IFT74: variants seen among roughly 807,000 people sequenced by gnomAD.
IFT74 encodes the protein intraflagellar transport 74.
A neutral mutation model predicts 96.7 loss-of-function variants in IFT74; 92 were observed. The observed-to-expected ratio is 0.95, with a 90% confidence interval of 0.80 to 1.13. IFT74 has a LOEUF of 1.13. Among genes scored for constraint, IFT74 ranks in the 50% most tolerant of loss-of-function variants. The pLI, the probability that IFT74 is intolerant of heterozygous loss-of-function variation, is 0.00. For synonymous variants in IFT74, 223 were observed against 213.2 expected (o/e 1.05, Z -0.40); for missense variants, 811 against 698.2 (o/e 1.16, Z -1.82).
intron 6 of IFT74, among the ~76,000 whole-genome samples, chr9:26,985,369 A>C (rs1046720114): frequency 6.6e-6 from 1 of 152,174 alleles, no homozygotes; most frequent in Non-Finnish European, 1.5e-5. Context: ...AGGTGATTAA[A>C]TAATCTGCAC....
At chr9:27,013,499 T>G (rs953593466) in intron 10 of IFT74, among the ~76,000 whole-genome samples, 2 of 152,220 alleles carry the variant, frequency 1.3e-5, no homozygotes, top group African/African-American at 4.8e-5. Context: ...TCAAAAAGGT[T>G]GTTCCAACTT....
intron 2 of IFT74, among the ~76,000 whole-genome samples, chr9:26,962,978 T>G (rs1267927608): frequency 1.3e-5 from 2 of 151,886 alleles, no homozygotes. Flanking sequence ...TTTGTTATAC[T>G]TTAAGTTTTA....
At chr9:27,006,323 T>C (rs755974454) in intron 8 of IFT74, among the ~76,000 whole-genome samples, 5 of 152,126 alleles carry the variant, frequency 3.3e-5, no homozygotes, top group Non-Finnish European at 7.4e-5. Context: ...TGAGGTCAGG[T>C]GCAGAGTCTG....
At chr9:26,997,703 G>A (rs1339905553) in intron 8 of IFT74, 27 of 1,559,250 alleles carry the variant, frequency 1.7e-5, no homozygotes, top group Non-Finnish European at 2.2e-5. Flanking sequence ...TCACATTTTG[G>A]TTTTGCTTAA....
chr9:27,059,417 A>G (rs1366996611), intron 18 of IFT74, among the ~76,000 whole-genome samples: 6 of 152,186 alleles, frequency 3.9e-5, no homozygotes, highest in African/African-American at 7.2e-5. Flanking sequence ...TATAATGTAA[A>G]AGGAATTTGA....
At chr9:27,034,152 T>A (rs78285065) in intron 13 of IFT74, among the ~76,000 whole-genome samples, 1 of 152,210 alleles carries the variant, frequency 6.6e-6, no homozygotes, top group Non-Finnish European at 1.5e-5. Context: ...AATGATTACT[T>A]TCCAGATTCA....
intron 2 of IFT74, among the ~76,000 whole-genome samples, chr9:26,974,398 C>G (rs1587265772): frequency 6.6e-6 from 1 of 152,198 alleles, no homozygotes; most frequent in Admixed American, 6.5e-5. Flanking sequence ...CCAAGGGGAT[C>G]TTCCAAATTT....
In IFT74 at chr9:27,033,962, C is replaced by T. The variant is rs144274557; in HGVS notation, c.1054+4858C>T. On this transcript the variant is annotated intron_variant, in intron 13 of 19. Transcript: ENST00000380062. ...ATAAGGTACACATCACTGACAGTTC[C>T]GAAGTTTTGACTGTTAGGCCTGAAT... 7.2e-5 allele frequency among the ~76,000 whole-genome samples: 11 copies of T among 152,080 alleles called. No individual in the cohort carries two copies. In the East Asian group the frequency reaches 1.9e-3, roughly 27 times the overall value.
At chr9:27,029,352 T>TA (rs397941774) in intron 13 of IFT74, among the ~76,000 whole-genome samples, 1 of 152,192 alleles carries the variant, frequency 6.6e-6, no homozygotes, top group Non-Finnish European at 1.5e-5. Flanking sequence ...TTTTTTTTTT[T>TA]ACAAAAACAG....
chr9:27,008,153 CAGT>C (rs956502300), intron 8 of IFT74, among the ~76,000 whole-genome samples: 6 of 152,044 alleles, frequency 3.9e-5, no homozygotes. Context: ...TTAACTAAAG[CAGT>C]AAGTAAAAGA....
At chr9:26,984,144 T>C in intron 4 of IFT74, 113 bp from the exon 5 acceptor site, 1 of 837,970 alleles carries the variant, frequency 1.2e-6, no homozygotes, top group Non-Finnish European at 1.7e-6. Flanking sequence ...TTTTAGTGAA[T>C]TTCACAAAAC....
intron 10 of IFT74, among the ~76,000 whole-genome samples, chr9:27,015,616 G>A (rs1829301144): frequency 6.6e-6 from 1 of 152,080 alleles, no homozygotes; most frequent in South Asian, 2.1e-4. Context: ...CAGCCTGGGT[G>A]AAAGAGCGAA....
chr9:26,997,735 C>A, intron 8 of IFT74: 2 of 1,589,986 alleles, frequency 1.3e-6, no homozygotes, highest in South Asian at 2.3e-5. Flanking sequence ...TACCTAATGT[C>A]ACATTTGATG....
chr9:27,031,154 C>A (rs959013697), intron 13 of IFT74, among the ~76,000 whole-genome samples: 6 of 152,060 alleles, frequency 3.9e-5, no homozygotes, highest in African/African-American at 1.4e-4. Flanking sequence ...TGTTACTGTG[C>A]CCAGCTTGTT....
In IFT74 at chr9:27,048,162, A is replaced by G. The variant is rs2131686266; in HGVS notation, c.1221A>G (p.Ile407Met). The change falls in exon 16 of 20, where the codon ATA (isoleucine) becomes ATG (methionine). Residue 407 changes from isoleucine (I) to methionine (M), a missense_variant. Ile to Met is a conservative substitution (Grantham distance 10, BLOSUM62 1). Transcript: ENST00000380062. ...LEHCSRNINR[I>M]EQISSITNQE... ...TGCAAATGCAGAATATAAATCGTATAGAACAGATATCCTCTATCACCAATC... is the reference window on the plus strand; with the variant it reads ...TGCAAATGCAGAATATAAATCGTATGGAACAGATATCCTCTATCACCAATC... 9 of 1,590,626 alleles carry G rather than the reference A, an allele frequency of 5.7e-6. No homozygotes were observed. The highest frequency in any genetic ancestry group is 7.7e-6 in the Non-Finnish European group (9 of 1,165,944).
At chr9:26,963,887 C>A (rs527423519) in intron 2 of IFT74, among the ~76,000 whole-genome samples, 9 of 152,032 alleles carry the variant, frequency 5.9e-5, no homozygotes, top group Non-Finnish European at 1.2e-4. Context: ...GAGTAGGTTG[C>A]GAAAATGTTC....
upstream of IFT74, among the ~76,000 whole-genome samples, chr9:26,955,527 T>C (rs1826053753): frequency 6.6e-6 from 1 of 151,930 alleles, no homozygotes; most frequent in African/African-American, 2.4e-5. Flanking sequence ...GGGGGCAGGG[T>C]AAGGGAGAAA....
chr9:27,020,024 G>A (rs1450185701), intron 12 of IFT74, among the ~76,000 whole-genome samples: 1 of 149,754 alleles, frequency 6.7e-6, no homozygotes, highest in Non-Finnish European at 1.5e-5. Context: ...CGCCCAGGCT[G>A]GAATGCAGTG....
intron 8 of IFT74, among the ~76,000 whole-genome samples, chr9:27,004,905 T>A (rs1391589136): frequency 6.6e-6 from 1 of 152,178 alleles, no homozygotes; most frequent in Non-Finnish European, 1.5e-5. Flanking sequence ...AAAAGAAGCA[T>A]TGTTCTTAAT....
Sources: allele counts gnomAD v4.1 joint callset (sites outside exome capture counted in the v4.1 genomes callset), GRCh38; gene constraint gnomAD v4.1.1; transcripts MANE v1.5; gene names NCBI Gene and HGNC (gene_info 2026-07-23, HGNC 2026-07-21).